Variants in KCTD1 observed in about 807,000 individuals in gnomAD.
KCTD1 encodes BTB/POZ domain-containing protein KCTD1.
In KCTD1, 24 loss-of-function variants were observed where a neutral mutation model predicts 66.0. The observed-to-expected ratio is 0.36, with a 90% CI of 0.26 to 0.51. The LOEUF (loss-of-function observed/expected upper bound fraction) is 0.51. Among genes scored for constraint, KCTD1 ranks in the 20% least tolerant of loss-of-function variants. The probability of loss-of-function intolerance (pLI) is 0.95; values close to 1 mark genes in which losing one functional copy is unlikely to be tolerated. For synonymous variants in KCTD1, 511 were observed against 517.2 expected (o/e 0.99, Z 0.16); for missense variants, 943 against 1,205.2 (o/e 0.78, Z 3.22).
chr18:26,644,943 G>A (rs1009886080), upstream of KCTD1, among the ~76,000 whole-genome samples: 1 of 152,182 alleles, frequency 6.6e-6, no homozygotes, highest in Non-Finnish European at 1.5e-5. Context: ...GCCAACCTGT[G>A]TCCATGACAG....
In KCTD1 at chr18:26,455,913, C is replaced by G. The variant is rs1980060032; in HGVS notation, c.2440-12G>C. ...AACCTCTCGAGGACCTGCGAGGGAA[C>G]AAGACAAGCATCCAGTTAGGGGTGA... On this transcript the variant is annotated splice_polypyrimidine_tract_variant and intron_variant, in intron 4 of 4. Transcript: ENST00000580059. 1 of 1,610,782 alleles carries G rather than the reference C, an allele frequency of 6.2e-7. No homozygotes were observed. Among genetic ancestry groups the G allele is most frequent in the Admixed American group, 1.7e-5 (1 of 59,746 alleles).
At chr18:26,558,059 C>T (rs553413155) in intron 1 of KCTD1, among the ~76,000 whole-genome samples, 2 of 152,314 alleles carry the variant, frequency 1.3e-5, no homozygotes, top group South Asian at 2.1e-4. Context: ...GCTCAGACAT[C>T]GGGAGAACAT....
chr18:26,557,860 T>A (rs1985744419), intron 1 of KCTD1, among the ~76,000 whole-genome samples: 1 of 152,246 alleles, frequency 6.6e-6, no homozygotes, highest in Non-Finnish European at 1.5e-5. Context: ...TGCAGCTACC[T>A]GGTCTCCAAT....
chr18:26,572,618 C>A (rs1344533057), intron 1 of KCTD1, among the ~76,000 whole-genome samples: 1 of 152,188 alleles, frequency 6.6e-6, no homozygotes, highest in Non-Finnish European at 1.5e-5. Flanking sequence ...TGGGATGAGG[C>A]ACTCTGTTGC....
At chr18:26,469,349 T>C (rs537040439) in intron 3 of KCTD1, among the ~76,000 whole-genome samples, 1 of 152,246 alleles carries the variant, frequency 6.6e-6, no homozygotes, top group Non-Finnish European at 1.5e-5. Flanking sequence ...GGGTGAGTCC[T>C]TAAGCAAACT....
chr18:26,550,565 GAC>G (rs60922405), upstream of KCTD1, among the ~76,000 whole-genome samples: 4,761 of 140,502 alleles, frequency 0.034, 95 homozygotes, highest in Non-Finnish European at 0.039. This position sits in a 1 kb window ranked among gnomAD's most constrained non-coding sequence, Gnocchi z 5.4. Flanking sequence ...AAGACACACA[GAC>G]ACACACACAC....
upstream of KCTD1, chr18:26,548,630 G>T (rs550234566): frequency 6.9e-6 from 8 of 1,153,686 alleles, no homozygotes; most frequent in South Asian, 8.8e-5. Flanking sequence ...TTCAGCTACC[G>T]GGAGGCAAAG....
At chr18:26,557,237 GC>G (rs1015326618) in intron 1 of KCTD1, among the ~76,000 whole-genome samples, 1 of 152,172 alleles carries the variant, frequency 6.6e-6, no homozygotes, top group Non-Finnish European at 1.5e-5. Context: ...AATTCCTCAA[GC>G]TTTTTTTGCT....
intron 1 of KCTD1, among the ~76,000 whole-genome samples, chr18:26,600,938 G>A (rs1286006921): frequency 6.6e-6 from 1 of 151,854 alleles, no homozygotes; most frequent in African/African-American, 2.4e-5. Flanking sequence ...TAACCTTCAG[G>A]TATTAAACTT....
At chr18:26,554,002 G>GA in intron 1 of KCTD1, among the ~76,000 whole-genome samples, 1 of 133,734 alleles carries the variant, frequency 7.5e-6, no homozygotes, top group Admixed American at 7.5e-5. Context: ...AAGATAAAAA[G>GA]AAAAAAGAAA....
intron 1 of KCTD1, among the ~76,000 whole-genome samples, chr18:26,635,171 G>GT (rs1474616501): frequency 6.6e-6 from 1 of 151,952 alleles, no homozygotes; most frequent in African/African-American, 2.4e-5. Context: ...CAATTTCTGA[G>GT]TTTTTTCTTG....
At chr18:26,546,232 A>AAAG (rs1176762850) in intron 1 of KCTD1, among the ~76,000 whole-genome samples, 1 of 151,972 alleles carries the variant, frequency 6.6e-6, no homozygotes, top group Non-Finnish European at 1.5e-5. Context: ...CTTTAAAAAA[A>AAAG]AAAAAAAAAG....
intron 1 of KCTD1, among the ~76,000 whole-genome samples, chr18:26,527,928 G>A (rs892599002): frequency 3.3e-5 from 5 of 152,128 alleles, no homozygotes; most frequent in South Asian, 4.2e-4. Flanking sequence ...CTTCCCTGAT[G>A]AGCATCTAGT....
intron 1 of KCTD1, among the ~76,000 whole-genome samples, chr18:26,532,880 T>C (rs1567983216): frequency 1.3e-5 from 2 of 152,236 alleles, no homozygotes; most frequent in Non-Finnish European, 2.9e-5. Flanking sequence ...CCCACTTGAC[T>C]GTCAAGTCCA....
chr18:26,484,501 C>T (rs1015597399), intron 2 of KCTD1, among the ~76,000 whole-genome samples: 3 of 152,068 alleles, frequency 2.0e-5, no homozygotes, highest in Non-Finnish European at 2.9e-5. Context: ...CAGGGCCACT[C>T]GGGGGTAGCT....
intron 1 of KCTD1, among the ~76,000 whole-genome samples, chr18:26,626,774 A>C (rs1235374715): frequency 6.6e-6 from 1 of 152,150 alleles, no homozygotes; most frequent in Non-Finnish European, 1.5e-5. Flanking sequence ...TGTGCCCAGC[A>C]GGAAGTAATA....
intron 1 of KCTD1, among the ~76,000 whole-genome samples, chr18:26,521,774 C>T (rs1052817114): frequency 4.6e-5 from 7 of 152,176 alleles, no homozygotes; most frequent in African/African-American, 1.4e-4. Flanking sequence ...TACAACTAAT[C>T]TCCAGTGGCA....
At chr18:26,522,331 G>A (rs1007275929) in intron 1 of KCTD1, among the ~76,000 whole-genome samples, 3 of 152,150 alleles carry the variant, frequency 2.0e-5, no homozygotes, top group African/African-American at 4.8e-5. Flanking sequence ...GAGATCGATC[G>A]GTTGATGTGT....
chr18:26,529,287 T>A (rs1567981871), intron 1 of KCTD1, among the ~76,000 whole-genome samples: 3 of 152,170 alleles, frequency 2.0e-5, no homozygotes, highest in Non-Finnish European at 4.4e-5. Context: ...CTCAAAACCC[T>A]TCCATGACTG....
Sources: gnomAD v4.1 joint callset for allele counts (sites outside exome capture counted in the v4.1 genomes callset) on GRCh38, gnomAD v4.1.1 for gene constraint, Gnocchi (gnomAD v3.1) non-coding constraint, MANE v1.5 for transcripts, NCBI Gene and HGNC (gene_info 2026-07-23, HGNC 2026-07-21) for gene names.